Variants in PAM16 observed in about 807,000 individuals in gnomAD.
PAM16 encodes presequence translocase associated motor 16.
PAM16 carries 11 observed loss-of-function variants against 17.9 expected under a neutral mutation model. The observed-to-expected ratio is 0.62, with a 90% CI of 0.39 to 1.02. The LOEUF (loss-of-function observed/expected upper bound fraction) is 1.02. Among genes scored for constraint, PAM16 ranks in the 50% least tolerant of loss-of-function variants. The pLI is 0.01. For missense variants in PAM16, 199 were observed against 165.4 expected, an observed-to-expected ratio of 1.20 and a Z score of -1.11; for synonymous variants, 72 against 67.4, an observed-to-expected ratio of 1.07 and a Z score of -0.34.
rs923790529 is a variant in PAM16 at position 4,341,437 on chromosome 16, G to A, written c.156C>T (p.Ser52=). 17 of 1,608,102 alleles carry A rather than the reference G, an allele frequency of 1.1e-5. No homozygotes were observed. The highest frequency in any genetic ancestry group is 1.7e-5 in the Admixed American group (1 of 59,448). The change falls in exon 3 of 5, where the codon TCC becomes TCT. Residue 52 remains serine (S), a synonymous_variant. Transcript: ENST00000318059. The part of the protein sequence containing the change: ...GHRSAAASNL[S]GLSLQEAQQI... ...GCTGTGCCTCCTGGAGGCTGAGGCC[G>A]GAGAGGTTGGAAGCGGCTGCAGACC...
intron 1 of PAM16, chr16:4,345,960 C>T (rs1006685765): frequency 3.0e-6 from 3 of 985,308 alleles, no homozygotes; most frequent in Admixed American, 6.1e-5. Flanking sequence ...CTGCTGCCAT[C>T]GTACAGCCTT....
At chr16:4,346,795 T>G (rs572818140) in intron 1 of PAM16, 1 of 152,018 alleles carries the variant, frequency 6.6e-6, no homozygotes, top group Non-Finnish European at 1.5e-5. Flanking sequence ...TCTCGGCTCA[T>G]TGCAACCTCC....
rs2141139520 is a variant in PAM16, at chr16:4,340,325, A to G, written c.372T>C (p.His124=). 1.2e-6 allele frequency: 2 copies of G among 1,612,674 alleles called. No homozygotes were observed. Among genetic ancestry groups the G allele is most frequent in the Non-Finnish European group, 1.7e-6 (2 of 1,179,798 alleles). Residue 124 remains histidine, a synonymous_variant, in exon 5 of 5, where the codon CAT becomes CAC. Transcript: ENST00000318059. The part of the protein sequence containing the change: ...QEDREKGQMP[H]T ...GGCGGGGGGAGCCGAGCAGTCACGT[A>G]TGGGGCATCTGCCCTTTTTCTCTGT...
Position 4,341,455 on chromosome 16 carries a change from T to C in PAM16, c.138A>G (p.Ala46=), listed in dbSNP as rs2053645406. 6.2e-7 allele frequency: 1 copy of C among 1,609,640 alleles called. No homozygotes were observed. The highest frequency in any genetic ancestry group is 1.3e-5 in the African/African-American group (1 of 74,914). ...TGAGGCCGGAGAGGTTGGAAGCGGC[T>C]GCAGACCGGTGTCCAGCGCGTCCTC... ...DARGRAGHRS[A]AASNLSGLSL... Residue 46 remains alanine (A), a synonymous_variant, in exon 3 of 5, where the codon GCA becomes GCG. Transcript: ENST00000318059.
rs770759571 is a variant in PAM16, at chr16:4,343,221, C to A, written c.74G>T (p.Arg25Leu). ...VVGRAFARAL[R>L]QEFAASRAAA... ...CCCATGCTTACCTGCAAACTCCTGCCGCAAGGCCCGTGCAAAGGCCCTGCC... is the reference window on the plus strand; with the variant it reads ...CCCATGCTTACCTGCAAACTCCTGCAGCAAGGCCCGTGCAAAGGCCCTGCC... Residue 25 changes from arginine to leucine, a missense_variant, in exon 2 of 5, where the codon CGG becomes CTG. Arg to Leu is a moderately radical substitution (Grantham distance 102, BLOSUM62 -2). Coordinates refer to ENST00000318059, the MANE Select transcript of PAM16 (RefSeq NM_016069.11). 6.2e-7 allele frequency: 1 copy of A among 1,612,804 alleles called. No homozygotes were observed. Among genetic ancestry groups the A allele is most frequent in the East Asian group, 2.2e-5 (1 of 44,878 alleles).
intron 1 of PAM16, among the ~76,000 whole-genome samples, chr16:4,346,306 C>T (rs1248647428): frequency 6.6e-6 from 1 of 152,240 alleles, no homozygotes; most frequent in Non-Finnish European, 1.5e-5. Flanking sequence ...ACGTTCTCAA[C>T]TCCTTTGAGC....
chr16:4,346,656 G>A (rs183601302), intron 1 of PAM16: 29 of 152,334 alleles, frequency 1.9e-4, no homozygotes, highest in African/African-American at 6.0e-4. Flanking sequence ...CTCAATAGCT[G>A]TGTGACCCTG....
intron 1 of PAM16, chr16:4,343,974 T>C: frequency 2.5e-6 from 1 of 398,044 alleles, no homozygotes; most frequent in African/African-American, 2.1e-5. Flanking sequence ...TGCTCAGCAC[T>C]TGAGCACAAA....
In PAM16 at chr16:4,340,414, T is replaced by A. The variant is rs960053351; in HGVS notation, c.292-9A>T. ...TCCTTTGCGCGGACCACCTAGTGGGTCACGGATAATCAGGCCGGGAGGCCA... is the reference window on the plus strand; with the variant it reads ...TCCTTTGCGCGGACCACCTAGTGGGACACGGATAATCAGGCCGGGAGGCCA... On this transcript the variant is annotated splice_polypyrimidine_tract_variant and intron_variant, in intron 4 of 4. Transcript: ENST00000318059. 6 of 1,609,102 alleles carry A rather than the reference T, an allele frequency of 3.7e-6. No homozygotes were observed. The highest frequency in any genetic ancestry group is 5.1e-6 in the Non-Finnish European group (6 of 1,178,346).
At chr16:4,350,493 C>T (rs2053833953) in intron 1 of PAM16, among the ~76,000 whole-genome samples, 1 of 151,912 alleles carries the variant, frequency 6.6e-6, no homozygotes, top group Admixed American at 6.6e-5. Context: ...CTCTGTCTCG[C>T]GGGTTCAAGC....
chr16:4,348,087 A>T, intron 1 of PAM16: 1 of 152,238 alleles, frequency 6.6e-6, no homozygotes. Flanking sequence ...ACTCTCAAGG[A>T]CACTCTGGTC....
In PAM16 at chr16:4,341,039, T is replaced by C. The variant is rs2072151; in HGVS notation, c.226-54A>G. 0.16 allele frequency: 254,451 copies of C among 1,608,182 alleles called. 29,020 individuals carry two copies. Among genetic ancestry groups the C allele is most frequent in the African/African-American group, 0.58 (43,629 of 74,822 alleles). On this transcript the variant is annotated intron_variant, in intron 3 of 4. Coordinates refer to ENST00000318059, the MANE Select transcript of PAM16 (RefSeq NM_016069.11). The stretch of plus-strand genomic sequence containing the variant: ...GCTGCAGACTGCAGGCAAGAGATGT[T>C]GGGCAGGCTATGTGGGGCCACGTGA...
intron 2 of PAM16, among the ~76,000 whole-genome samples, chr16:4,342,866 G>A (rs2053670645): frequency 1.3e-5 from 2 of 151,552 alleles, no homozygotes; most frequent in South Asian, 4.2e-4. Context: ...GGCTGAGGGA[G>A]GAGAATCACT....
chr16:4,344,551 C>T (rs140732267), intron 1 of PAM16, among the ~76,000 whole-genome samples: 1,194 of 2,640 alleles, frequency 0.45, 177 homozygotes, highest in Admixed American at 0.51. Flanking sequence ...GAGGGGGTTC[C>T]GTGAGAGGAG....
At chr16:4,344,796 A>G (rs149122277) in intron 1 of PAM16, among the ~76,000 whole-genome samples, 53 of 3,380 alleles carry the variant, frequency 0.016, no homozygotes, top group Admixed American at 0.025. Context: ...AGAGGAGGGG[A>G]TTGTGTGAGA....
At chr16:4,350,924 G>A (rs2053845455) in intron 1 of PAM16, 3 of 276,750 alleles carry the variant, frequency 1.1e-5, no homozygotes, top group Non-Finnish European at 2.0e-5. Flanking sequence ...CAGGGCAGGG[G>A]AGGCGCTCAC....
chr16:4,349,786 C>A (rs2053818577), intron 1 of PAM16, among the ~76,000 whole-genome samples: 1 of 152,068 alleles, frequency 6.6e-6, no homozygotes, highest in South Asian at 2.1e-4. Context: ...ACCAAAAAAA[C>A]CCCATGAGTT....
intron 3 of PAM16, 139 bp from the exon 4 acceptor site, chr16:4,341,124 G>A (rs2053638898): frequency 8.0e-7 from 1 of 1,256,020 alleles, no homozygotes; most frequent in East Asian, 2.4e-5. Context: ...TGGCCACTGA[G>A]AGGCAGAGAT....
At chr16:4,345,847 C>A in intron 1 of PAM16, 8 of 985,300 alleles carry the variant, frequency 8.1e-6, no homozygotes, top group Non-Finnish European at 9.6e-6. Flanking sequence ...GGATGGGATG[C>A]TGGTGCTGTC....
Sources: allele counts gnomAD v4.1 joint callset (sites outside exome capture counted in the v4.1 genomes callset), GRCh38; gene constraint gnomAD v4.1.1; transcripts MANE v1.5; gene names NCBI Gene and HGNC (gene_info 2026-07-23, HGNC 2026-07-21).